FHIP1A: variants seen among roughly 807,000 people sequenced by gnomAD.
FHIP1A encodes FHF complex subunit HOOK-interacting protein 1A.
A neutral mutation model predicts 88.6 loss-of-function variants in FHIP1A; 61 were observed. The ratio of observed to expected loss-of-function variants is 0.69; its 90% CI spans 0.56 to 0.85. The LOEUF is 0.85. FHIP1A is among the 40% of genes least tolerant of loss of function. FHIP1A has a pLI of 0.00. For synonymous variants in FHIP1A, 478 were observed against 496.0 expected, an observed-to-expected ratio of 0.96 and a Z score of 0.48; for missense variants, 1,154 against 1,273.5, an observed-to-expected ratio of 0.91 and a Z score of 1.43.
At chr4:151,581,327 T>G (rs1438837112) in intron 5 of FHIP1A, among the ~76,000 whole-genome samples, 1 of 152,056 alleles carries the variant, frequency 6.6e-6, no homozygotes, top group Non-Finnish European at 1.5e-5. Context: ...GAGATTGGAG[T>G]AGGGTGCAGT....
At chr4:151,659,083 T>C (rs955172979) in intron 13 of FHIP1A, among the ~76,000 whole-genome samples, 7 of 152,224 alleles carry the variant, frequency 4.6e-5, no homozygotes, top group African/African-American at 1.7e-4. Flanking sequence ...TTGCAAAATA[T>C]GTGCCCAGGG....
At chr4:151,468,146 G>A (rs1228593658) in intron 2 of FHIP1A, among the ~76,000 whole-genome samples, 2 of 151,752 alleles carry the variant, frequency 1.3e-5, no homozygotes, top group Admixed American at 6.6e-5. Context: ...TTAGCTGGGT[G>A]TGGTGGCAGG....
chr4:151,481,646 C>T (rs187417065), intron 2 of FHIP1A, among the ~76,000 whole-genome samples: 4 of 152,060 alleles, frequency 2.6e-5, no homozygotes, highest in Admixed American at 6.5e-5. Flanking sequence ...GGCAGAGCAG[C>T]CTGTTTCCAT....
At chr4:151,639,729 C>G (rs1213993924) in intron 9 of FHIP1A, among the ~76,000 whole-genome samples, 1 of 152,094 alleles carries the variant, frequency 6.6e-6, no homozygotes, top group African/African-American at 2.4e-5. Context: ...AGAGGAGCTC[C>G]GAGTTGCGAG....
chr4:151,469,991 T>C (rs185751247), intron 2 of FHIP1A, among the ~76,000 whole-genome samples: 1 of 152,136 alleles, frequency 6.6e-6, no homozygotes, highest in African/African-American at 2.4e-5. Context: ...GAGTAGCAAA[T>C]GTAAGATAAA....
At chr4:151,638,586 A>G in intron 8 of FHIP1A, 91 bp from the exon 9 acceptor site, 1 of 717,940 alleles carries the variant, frequency 1.4e-6, no homozygotes, top group Non-Finnish European at 2.2e-6. Context: ...AAAGGCCATT[A>G]TATTTTGTAA....
intron 13 of FHIP1A, among the ~76,000 whole-genome samples, chr4:151,659,018 G>A (rs1241852457): frequency 6.6e-6 from 1 of 152,118 alleles, no homozygotes; most frequent in African/African-American, 2.4e-5. Flanking sequence ...GGGAAGGGGT[G>A]GGGGTCACTC....
At chr4:151,471,934 C>T (rs780681842) in intron 2 of FHIP1A, among the ~76,000 whole-genome samples, 5 of 152,140 alleles carry the variant, frequency 3.3e-5, no homozygotes, top group South Asian at 2.1e-4. Context: ...CAGACTGCTG[C>T]GAATGCCATT....
intron 3 of FHIP1A, among the ~76,000 whole-genome samples, chr4:151,513,984 A>G (rs1731132411): frequency 6.6e-6 from 1 of 150,786 alleles, no homozygotes; most frequent in Non-Finnish European, 1.5e-5. Context: ...CTCCACCCCA[A>G]ATCAACAGAA....
intron 3 of FHIP1A, among the ~76,000 whole-genome samples, chr4:151,562,017 C>G (rs1733192164): frequency 6.6e-6 from 1 of 152,156 alleles, no homozygotes; most frequent in Admixed American, 6.5e-5. Flanking sequence ...GTTGTAACTG[C>G]TTACTTAAGT....
intron 9 of FHIP1A, among the ~76,000 whole-genome samples, chr4:151,643,537 A>G (rs143250058): frequency 5.1e-4 from 77 of 152,316 alleles, no homozygotes; most frequent in African/African-American, 1.7e-3. Context: ...CTACTGTACT[A>G]TTAAATACTA....
chr4:151,602,967 C>A (rs984106451), intron 7 of FHIP1A, among the ~76,000 whole-genome samples: 2 of 152,180 alleles, frequency 1.3e-5, no homozygotes, highest in African/African-American at 4.8e-5. Flanking sequence ...AAGGACTATA[C>A]CCAGCTTTTT....
intron 8 of FHIP1A, among the ~76,000 whole-genome samples, chr4:151,635,515 T>C (rs1439848648): frequency 1.3e-5 from 2 of 151,830 alleles, no homozygotes; most frequent in Non-Finnish European, 3.0e-5. Flanking sequence ...GAGTATGTTA[T>C]ATATATACAA....
intron 7 of FHIP1A, among the ~76,000 whole-genome samples, chr4:151,591,063 C>G (rs1289668901): frequency 6.6e-6 from 1 of 151,520 alleles, no homozygotes; most frequent in Non-Finnish European, 1.5e-5. Context: ...TAATTTTCTC[C>G]CTGTTCTCTG....
At chr4:151,561,832 T>C (rs1024550472) in intron 3 of FHIP1A, among the ~76,000 whole-genome samples, 1 of 152,244 alleles carries the variant, frequency 6.6e-6, no homozygotes, top group South Asian at 2.1e-4. Context: ...CAAATATGCC[T>C]TAGTAGTAAA....
In FHIP1A at chr4:151,656,322, A is replaced by G. The variant is rs1737232910; in HGVS notation, c.2642A>G (p.Gln881Arg). The G allele has an allele frequency of 1.3e-6, 2 of 1,551,548 alleles. No individual in the cohort carries two copies. The highest frequency in any genetic ancestry group is 1.7e-6 in the Non-Finnish European group (2 of 1,146,982). Residue 881 changes from glutamine (Q) to arginine (R), a missense_variant, in exon 12 of 14, where the codon CAG becomes CGG. Physicochemically the swap from Gln to Arg is conservative, Grantham distance 43. Coordinates refer to ENST00000435205, the MANE Select transcript of FHIP1A (RefSeq NM_001109977.3). The surrounding 1 kb of genome is among the most constrained non-coding windows in gnomAD (Gnocchi z 4.2). Reference protein sequence around the residue: ...VNLLLIGIITQLASYPQPLLR... With the variant: ...VNLLLIGIITRLASYPQPLLR... ...TTGCTGCTTATCGGGATCATTACTC[A>G]GCTAGCCAGCTACCCCCAGCCACTC...
intron 3 of FHIP1A, among the ~76,000 whole-genome samples, chr4:151,542,068 C>T (rs1732315667): frequency 6.6e-6 from 1 of 152,106 alleles, no homozygotes; most frequent in South Asian, 2.1e-4. Context: ...GAACCTCTCT[C>T]ACTTTGTTGA....
chr4:151,568,957 A>T (rs1733495704), intron 4 of FHIP1A, among the ~76,000 whole-genome samples: 1 of 152,132 alleles, frequency 6.6e-6, no homozygotes. Flanking sequence ...AAGGAATGAG[A>T]TCTTCAGCTG....
intron 3 of FHIP1A, among the ~76,000 whole-genome samples, chr4:151,526,498 C>CT (rs1731652266): frequency 1.3e-5 from 2 of 148,702 alleles, no homozygotes; most frequent in African/African-American, 5.0e-5. Flanking sequence ...GACCCCCCCA[C>CT]CTCCCTCCCG....
Sources: allele counts gnomAD v4.1 joint callset (sites outside exome capture counted in the v4.1 genomes callset), GRCh38; gene constraint gnomAD v4.1.1; non-coding constraint Gnocchi (gnomAD v3.1); transcripts MANE v1.5; gene names NCBI Gene and HGNC (gene_info 2026-07-23, HGNC 2026-07-21).